The following PAX3 variants were observed in gnomAD, a reference collection of about 807,000 sequenced individuals.
PAX3 encodes the protein paired box 3.
In PAX3, 14 loss-of-function variants were observed where a neutral mutation model predicts 51.6. The ratio of observed to expected loss-of-function variants is 0.27; its 90% CI spans 0.18 to 0.42. PAX3 has a LOEUF of 0.42. Ranked by LOEUF, PAX3 falls within the 10% of genes least tolerant of loss-of-function variation. PAX3 has a pLI of 1.00. For synonymous variants in PAX3, 280 were observed against 253.4 expected, an observed-to-expected ratio of 1.11 and a Z score of -1.00; for missense variants, 540 against 642.8, an observed-to-expected ratio of 0.84 and a Z score of 1.73.
chr2:222,202,034 T>C lies in PAX3; in HGVS notation c.1330A>G (p.Thr444Ala). Residue 444 changes from threonine (T) to alanine (A), a missense_variant, in exon 8 of 9, where the codon ACA becomes GCA. Around this residue, in one of 3 missense-constraint regions of PAX3, gnomAD observed 427 missense variants for 483.6 expected, o/e 0.88. Transcript: ENST00000392070. The part of the protein sequence containing the change: ...DHMKSLDSLP[T>A]SQSYCPPTYS... ...GTGGGTGGACAGTAGGACTGAGATGTTGGCAGACTGTCCAAGCTCTTCATA... is the reference window on the plus strand; with the variant it reads ...GTGGGTGGACAGTAGGACTGAGATGCTGGCAGACTGTCCAAGCTCTTCATA... The C allele has an allele frequency of 6.2e-7, 1 of 1,614,090 alleles. No homozygotes were observed. Among genetic ancestry groups the C allele is most frequent in the Non-Finnish European group, 8.5e-7 (1 of 1,180,006 alleles).
chr2:222,257,879 G>T (rs1405025999), intron 4 of PAX3, among the ~76,000 whole-genome samples: 1 of 152,200 alleles, frequency 6.6e-6, no homozygotes, highest in Non-Finnish European at 1.5e-5. Flanking sequence ...GGCTCAGGGA[G>T]TTCCCACACC....
chr2:222,221,545 A>C, intron 5 of PAX3, 158 bp from the exon 6 acceptor site: 1 of 708,668 alleles, frequency 1.4e-6, no homozygotes, highest in Non-Finnish European at 2.4e-6. Context: ...AATTGTCAGG[A>C]GTAAAAGAAG....
chr2:222,216,733 G>C (rs369941243), intron 7 of PAX3, among the ~76,000 whole-genome samples: 10,035 of 151,308 alleles, frequency 0.066, 555 homozygotes, highest in Admixed American at 0.17. Context: ...CACAGAGAGA[G>C]AGAGAGAGAT....
At chr2:222,245,177 A>G (rs1252746280) in intron 4 of PAX3, among the ~76,000 whole-genome samples, 2 of 152,180 alleles carry the variant, frequency 1.3e-5, no homozygotes, top group Non-Finnish European at 2.9e-5. Flanking sequence ...ATAGAATAAA[A>G]TTAAGGTAGC....
intron 4 of PAX3, 139 bp downstream of exon 4, chr2:222,294,028 G>C (rs1695150003): frequency 6.4e-7 from 1 of 1,553,574 alleles, no homozygotes; most frequent in Admixed American, 1.9e-5. Flanking sequence ...GTTCCATGTC[G>C]TTACTCAGGC....
intron 7 of PAX3, among the ~76,000 whole-genome samples, chr2:222,216,817 C>T (rs369916310): frequency 1.6e-4 from 25 of 152,334 alleles, no homozygotes; most frequent in African/African-American, 5.3e-4. Context: ...ATCATTCACA[C>T]ATACTCTAGC....
chr2:222,262,345 C>CAA (rs1177040203), intron 4 of PAX3, among the ~76,000 whole-genome samples: 1 of 151,268 alleles, frequency 6.6e-6, no homozygotes, highest in Non-Finnish European at 1.5e-5. Context: ...AACAAATAAA[C>CAA]AAAAAAAAGC....
intron 4 of PAX3, among the ~76,000 whole-genome samples, chr2:222,280,413 AAAAG>A (rs536504926): frequency 2.3e-4 from 33 of 143,646 alleles, no homozygotes; most frequent in Middle Eastern, 3.7e-3. Flanking sequence ...AAAGAAAGAA[AAAAG>A]AAAGAAAGAA....
chr2:222,233,664 T>C (rs1384403602), intron 4 of PAX3, among the ~76,000 whole-genome samples: 1 of 151,944 alleles, frequency 6.6e-6, no homozygotes, highest in Non-Finnish European at 1.5e-5. Context: ...CCCCAGATAC[T>C]GGGGTAGTGG....
chr2:222,269,593 G>A (rs937531900), intron 4 of PAX3, among the ~76,000 whole-genome samples: 3 of 149,782 alleles, frequency 2.0e-5, no homozygotes, highest in African/African-American at 4.9e-5. Flanking sequence ...TACAAACAAC[G>A]ACAACATAAA....
intron 6 of PAX3, 141 bp downstream of exon 6, chr2:222,221,081 G>T: frequency 1.2e-6 from 1 of 817,254 alleles, no homozygotes; most frequent in Non-Finnish European, 2.2e-6. Flanking sequence ...TCTGAAATGT[G>T]ATAGGTACGT....
rs954741617 is a variant in PAX3 at position 222,285,943 on chromosome 2, A to AT, written c.586+8223dup. Among the ~76,000 whole-genome samples the AT allele has an allele frequency of 6.6e-5, 10 of 151,536 alleles. No homozygotes were observed. The South Asian group carries it at 8.3e-4, about 13-fold the overall frequency. ...CTGTCACAAAGCATTTTGATCAGCTATTTTTTTTTCCTGAAACGGAGTCTC... is the reference window on the plus strand; with the variant it reads ...CTGTCACAAAGCATTTTGATCAGCTATTTTTTTTTTCCTGAAACGGAGTCTC... On this transcript the variant is annotated intron_variant, in intron 4 of 8. Coordinates refer to ENST00000392070, the MANE Select transcript of PAX3 (RefSeq NM_181458.4).
At chr2:222,231,461 A>T (rs1692591210) in intron 5 of PAX3, among the ~76,000 whole-genome samples, 1 of 152,244 alleles carries the variant, frequency 6.6e-6, no homozygotes, top group Admixed American at 6.5e-5. Flanking sequence ...TCAAAAGATA[A>T]TTCAACATGT....
intron 3 of PAX3, 127 bp from the exon 4 acceptor site, chr2:222,294,428 GGGT>G: frequency 1.0e-6 from 1 of 985,308 alleles, no homozygotes; most frequent in Non-Finnish European, 1.6e-6. Context: ...CACTGCTCGC[GGGT>G]GTCTCCTCCT....
intron 4 of PAX3, among the ~76,000 whole-genome samples, chr2:222,239,833 A>AG (rs940876379): frequency 1.3e-5 from 2 of 152,072 alleles, no homozygotes; most frequent in African/African-American, 4.8e-5. Flanking sequence ...AAAAAAAAAA[A>AG]AAATAGAATT....
chr2:222,281,441 C>T (rs1420547128), intron 4 of PAX3, among the ~76,000 whole-genome samples: 2 of 152,238 alleles, frequency 1.3e-5, no homozygotes, highest in African/African-American at 2.4e-5. Flanking sequence ...AACACCTGCT[C>T]TCTGACATTA....
intron 4 of PAX3, among the ~76,000 whole-genome samples, chr2:222,268,279 C>T (rs1194326598): frequency 2.0e-5 from 3 of 152,156 alleles, no homozygotes; most frequent in African/African-American, 7.2e-5. Context: ...ACCCATACAC[C>T]CTTGGGGGAA....
intron 4 of PAX3, among the ~76,000 whole-genome samples, chr2:222,235,215 G>A (rs1692755284): frequency 6.6e-6 from 1 of 152,156 alleles, no homozygotes; most frequent in African/African-American, 2.4e-5. Context: ...TCAAGACCAT[G>A]GTGTTTCACC....
At chr2:222,293,845 T>C (rs2106195737) in intron 4 of PAX3, 1 of 1,613,160 alleles carries the variant, frequency 6.2e-7, no homozygotes, top group Admixed American at 1.7e-5. Flanking sequence ...CCCAGTCTCA[T>C]ACATTTAATG....
Sources: gnomAD v4.1 joint callset for allele counts (sites outside exome capture counted in the v4.1 genomes callset) on GRCh38, gnomAD v4.1.1 for gene constraint, gnomAD v4.1.1 regional missense constraint, MANE v1.5 for transcripts, NCBI Gene and HGNC (gene_info 2026-07-23, HGNC 2026-07-21) for gene names.